The following USP34 variants were observed in gnomAD, a reference collection of about 807,000 sequenced individuals.
The protein encoded by USP34 is ubiquitin specific peptidase 34, also known as ubiquitin carboxyl-terminal hydrolase 34.
In USP34, 70 loss-of-function variants were observed where a neutral mutation model predicts 460.3. The observed-to-expected ratio is 0.15, with a 90% CI of 0.13 to 0.19. USP34 has a LOEUF of 0.19. Among genes scored for constraint, USP34 ranks in the 10% least tolerant of loss-of-function variants. The pLI, the probability that USP34 is intolerant of heterozygous loss-of-function variation, is 1.00. For synonymous variants in USP34, 1,647 were observed against 1,405.3 expected (o/e 1.17, Z -3.85); for missense variants, 3,985 against 4,236.2 (o/e 0.94, Z 1.65).
chr2:61,428,993 A>G (rs1465060512), intron 1 of USP34, among the ~76,000 whole-genome samples: 1 of 152,206 alleles, frequency 6.6e-6, no homozygotes, highest in East Asian at 1.9e-4. Context: ...AAACAAACCA[A>G]ATTTCCATTA....
At chr2:61,393,855 G>T (rs1312189903) in intron 5 of USP34, among the ~76,000 whole-genome samples, 1 of 151,788 alleles carries the variant, frequency 6.6e-6, no homozygotes, top group African/African-American at 2.4e-5. Flanking sequence ...CTTTCTTTCC[G>T]GGCCGGGCAC....
chr2:61,244,166 CTTTA>C (rs1304987051), intron 51 of USP34, among the ~76,000 whole-genome samples: 2 of 152,040 alleles, frequency 1.3e-5, no homozygotes, highest in African/African-American at 4.8e-5. Flanking sequence ...AAAAAAACAA[CTTTA>C]TTTGGGCTAA....
chr2:61,318,867 C>T (rs1383706161), intron 22 of USP34, among the ~76,000 whole-genome samples: 2 of 152,118 alleles, frequency 1.3e-5, no homozygotes, highest in African/African-American at 2.4e-5. Context: ...TACAATATTA[C>T]TGATTATTTC....
At chr2:61,202,594 A>T (rs193037103) in intron 75 of USP34, among the ~76,000 whole-genome samples, 1 of 152,262 alleles carries the variant, frequency 6.6e-6, no homozygotes, top group Non-Finnish European at 1.5e-5. Flanking sequence ...TAATTCACTG[A>T]TGGTTTTGTT....
intron 1 of USP34, among the ~76,000 whole-genome samples, chr2:61,434,255 G>A (rs922047570): frequency 4.6e-5 from 7 of 152,110 alleles, no homozygotes; most frequent in Non-Finnish European, 8.8e-5. Flanking sequence ...ACCACAGGTC[G>A]TCCCTGATGG....
intron 5 of USP34, among the ~76,000 whole-genome samples, chr2:61,394,235 A>T (rs560973723): frequency 2.4e-4 from 36 of 152,224 alleles, no homozygotes; most frequent in African/African-American, 8.7e-4. Context: ...GAAATGTTAC[A>T]ATCTTCATGT....
chr2:61,227,760 CACTG>C (rs1201471619), intron 61 of USP34, among the ~76,000 whole-genome samples: 6 of 151,606 alleles, frequency 4.0e-5, no homozygotes, highest in African/African-American at 1.5e-4. Flanking sequence ...AAAACCTCAA[CACTG>C]ACTACTTACC....
At chr2:61,415,401 A>G in intron 2 of USP34, among the ~76,000 whole-genome samples, 1 of 152,320 alleles carries the variant, frequency 6.6e-6, no homozygotes, top group South Asian at 2.1e-4. Context: ...AAAATGAACT[A>G]GAGAACTTTT....
intron 27 of USP34, among the ~76,000 whole-genome samples, chr2:61,304,752 C>T (rs1045121476): frequency 3.9e-5 from 6 of 152,290 alleles, no homozygotes; most frequent in South Asian, 2.1e-4. Flanking sequence ...TTATATAGCA[C>T]GCTGGATGGA....
intron 12 of USP34, among the ~76,000 whole-genome samples, chr2:61,349,606 C>T (rs1485945250): frequency 1.3e-5 from 2 of 152,010 alleles, no homozygotes; most frequent in Non-Finnish European, 2.9e-5. Context: ...TTTAGGAGGC[C>T]AAGGCGGATG....
chr2:61,220,151 T>TAAAAAAAAAAAAAA (rs60784334), intron 67 of USP34, 159 bp downstream of exon 67: 3 of 157,514 alleles, frequency 1.9e-5, no homozygotes, highest in Non-Finnish European at 3.2e-5. Flanking sequence ...TTTCCTATCC[T>TAAAAAAAAAAAAAA]AAAAAAAAAA....
chr2:61,205,310 C>T (rs904197306), intron 72 of USP34, among the ~76,000 whole-genome samples: 3 of 152,274 alleles, frequency 2.0e-5, no homozygotes, highest in Admixed American at 1.3e-4. Context: ...TCTCCAATCA[C>T]ACAGGAAGGA....
intron 1 of USP34, among the ~76,000 whole-genome samples, chr2:61,447,164 C>T (rs1488311708): frequency 2.1e-5 from 3 of 145,374 alleles, no homozygotes; most frequent in African/African-American, 7.6e-5. Context: ...CTGAGGCACC[C>T]GAATCATTTG....
intron 3 of USP34, 122 bp from the exon 4 acceptor site, chr2:61,395,355 G>A (rs191603191): frequency 1.6e-6 from 1 of 644,182 alleles, no homozygotes; most frequent in African/African-American, 1.9e-5. Context: ...AATTACTCCT[G>A]ATAAGCAGTG....
chr2:61,273,280 T>C (rs575413738), intron 41 of USP34, among the ~76,000 whole-genome samples: 1 of 152,308 alleles, frequency 6.6e-6, no homozygotes, highest in East Asian at 1.9e-4. Context: ...ATAAAGTTAA[T>C]TCTGCATCAA....
At chr2:61,283,099 A>G (rs1315750770) in intron 37 of USP34, 46 bp downstream of exon 37, 2 of 1,589,908 alleles carry the variant, frequency 1.3e-6, no homozygotes, top group South Asian at 2.3e-5. Context: ...TAATAACATG[A>G]AAACATACAA....
chr2:61,371,646 T>C (rs577243977), intron 8 of USP34, among the ~76,000 whole-genome samples: 1 of 152,286 alleles, frequency 6.6e-6, no homozygotes, highest in East Asian at 1.9e-4. Flanking sequence ...TTTTAAATAA[T>C]TTGTATAGCC....
At chr2:61,227,521 G>C (rs1313170717) in intron 61 of USP34, among the ~76,000 whole-genome samples, 1 of 152,090 alleles carries the variant, frequency 6.6e-6, no homozygotes, top group Non-Finnish European at 1.5e-5. Flanking sequence ...GAACAGCCTG[G>C]CCGACATGGT....
At chr2:61,423,273 C>G (rs1388281902) in intron 1 of USP34, among the ~76,000 whole-genome samples, 1 of 152,030 alleles carries the variant, frequency 6.6e-6, no homozygotes, top group Non-Finnish European at 1.5e-5. Context: ...ACCATCACGC[C>G]TGGCTAGTTT....
Sources: gnomAD v4.1 joint callset for allele counts (sites outside exome capture counted in the v4.1 genomes callset) on GRCh38, gnomAD v4.1.1 for gene constraint, MANE v1.5 for transcripts, NCBI Gene and HGNC (gene_info 2026-07-23, HGNC 2026-07-21) for gene names.